DCC: variants seen among roughly 807,000 people sequenced by gnomAD.
DCC encodes netrin receptor DCC.
DCC carries 58 observed loss-of-function variants against 172.5 expected under a neutral mutation model. That is an observed-to-expected ratio of 0.34 (90% CI 0.27 to 0.42). The LOEUF is 0.42. Ranked by LOEUF, DCC falls within the 10% of genes least tolerant of loss-of-function variation. The pLI is 1.00. For missense variants in DCC, 1,740 were observed against 1,791.0 expected (o/e 0.97, Z 0.51); for synonymous variants, 709 against 644.5 (o/e 1.10, Z -1.52).
At position 53,402,844 on chromosome 18, in the gene DCC, C is replaced by A. The variant is rs559158520; in HGVS notation, c.2886C>A (p.Ala962=). 8.1e-6 allele frequency: 13 copies of A among 1,614,080 alleles called. No individual in the cohort carries two copies. The South Asian group carries it at 8.8e-5, about 11-fold the overall frequency. ...TVITREGKPR[A]VIVSWQPPLE... ...TTACTAGGGAAGGGAAGCCTCGTGC[C>A]GTCATTGTGAGTTGGCAGCCTCCCT... The change falls in exon 19 of 29, where the codon GCC becomes GCA. Residue 962 remains alanine, a synonymous_variant. Coordinates refer to ENST00000442544, the MANE Select transcript of DCC (RefSeq NM_005215.4).
At chr18:52,625,976 T>C (rs528145862) in intron 1 of DCC, among the ~76,000 whole-genome samples, 2 of 152,292 alleles carry the variant, frequency 1.3e-5, no homozygotes, top group Admixed American at 1.3e-4. Context: ...CCTAACTCAC[T>C]CTTCAATGTT....
At chr18:53,305,367 A>G (rs941181732) in intron 12 of DCC, among the ~76,000 whole-genome samples, 13 of 152,232 alleles carry the variant, frequency 8.5e-5, no homozygotes, top group Non-Finnish European at 1.8e-4. Context: ...AATGCATTCA[A>G]TCAATCAAAG....
At chr18:52,883,330 A>T (rs1404229955) in intron 2 of DCC, among the ~76,000 whole-genome samples, 19 of 48,124 alleles carry the variant, frequency 3.9e-4, no homozygotes, top group African/African-American at 1.4e-3. Flanking sequence ...TTTATTTTTT[A>T]TTTATTTATT....
chr18:52,572,918 A>T (rs568984199), intron 1 of DCC, among the ~76,000 whole-genome samples: 1 of 152,332 alleles, frequency 6.6e-6, no homozygotes, highest in South Asian at 2.1e-4. Flanking sequence ...GCTTTTCATT[A>T]ATAATAAATC....
At chr18:52,718,564 G>A (rs1456393473) in intron 1 of DCC, among the ~76,000 whole-genome samples, 6 of 152,122 alleles carry the variant, frequency 3.9e-5, no homozygotes, top group Admixed American at 3.9e-4. Context: ...TACATGGCAC[G>A]TAGGTTGTTT....
intron 5 of DCC, among the ~76,000 whole-genome samples, chr18:53,019,667 G>A (rs1483486984): frequency 3.9e-5 from 6 of 152,092 alleles, no homozygotes. Flanking sequence ...CAGTTTATCT[G>A]ATTTTTTAGA....
At chr18:53,079,642 A>C (rs1310850638) in intron 7 of DCC, among the ~76,000 whole-genome samples, 2 of 152,152 alleles carry the variant, frequency 1.3e-5, no homozygotes, top group Non-Finnish European at 2.9e-5. Flanking sequence ...AGTGCAAGAT[A>C]TAGGGGTAAG....
intron 1 of DCC, among the ~76,000 whole-genome samples, chr18:52,643,871 A>G (rs559104182): frequency 2.6e-5 from 4 of 152,334 alleles, no homozygotes; most frequent in South Asian, 2.1e-4. Flanking sequence ...CCTGACAAGT[A>G]TAGAGTACCT....
At chr18:52,963,221 A>G (rs1009861101) in intron 5 of DCC, among the ~76,000 whole-genome samples, 2 of 151,940 alleles carry the variant, frequency 1.3e-5, no homozygotes, top group East Asian at 3.8e-4. Flanking sequence ...AGATTTTTTT[A>G]AAAATTTTTA....
rs148241016 is a variant in DCC at position 52,804,711 on chromosome 18, G to A, written c.412+52337G>A. On this transcript the variant is annotated intron_variant, in intron 2 of 28. Transcript: ENST00000442544. ...CAGGAGAATTCTCTCAGCCTCCTGAGTTGCTGGGATTACAGGCATGTGCCA... is the reference window on the plus strand; with the variant it reads ...CAGGAGAATTCTCTCAGCCTCCTGAATTGCTGGGATTACAGGCATGTGCCA... 1.4e-3 allele frequency among the ~76,000 whole-genome samples: 210 copies of A among 152,200 alleles called. No individual in the cohort carries two copies. The East Asian group carries it at 0.024, about 17-fold the overall frequency.
intron 1 of DCC, among the ~76,000 whole-genome samples, chr18:52,448,235 C>CT (rs1447946492): frequency 6.6e-6 from 1 of 152,150 alleles, no homozygotes; most frequent in African/African-American, 2.4e-5. Context: ...TTATGAGAAT[C>CT]TAATTCCTGA....
At chr18:53,365,446 GAAA>G (rs34872630) in intron 15 of DCC, among the ~76,000 whole-genome samples, 1 of 132,582 alleles carries the variant, frequency 7.5e-6, no homozygotes. Context: ...TCATCCCACT[GAAA>G]AAAAAAAAAA....
chr18:53,086,429 TTTC>T lies in DCC; in HGVS notation c.1261+20282_1261+20284del, dbSNP rs562233542. On this transcript the variant is annotated intron_variant, in intron 7 of 28. Transcript: ENST00000442544. ...TTCTTCTTCTTCTTCTTCTTCTTCC[TTTC>T]TTCTTCTTCTTCTTCTTCCTTTCTT... Among the ~76,000 whole-genome samples, 255 of 40,314 alleles carry T rather than the reference TTTC, an allele frequency of 6.3e-3. 80 individuals carry two copies. The highest frequency in any genetic ancestry group is 0.025 in the Middle Eastern group (2 of 80). The allele number at this position is 40,314 out of a possible 152,430, so 26.4% of individuals were successfully genotyped here.
chr18:52,968,720 T>C (rs560965625), intron 5 of DCC, among the ~76,000 whole-genome samples: 38 of 152,338 alleles, frequency 2.5e-4, no homozygotes, highest in African/African-American at 8.9e-4. Context: ...TTAGTTCTCA[T>C]GTAATTTAGC....
chr18:52,359,771 G>A lies in DCC; in HGVS notation c.91+18893G>A, dbSNP rs926988857. On this transcript the variant is annotated intron_variant, in intron 1 of 28. Transcript: ENST00000442544. ...GTTTGATTTTAAAACACTGTAATGG[G>A]GTTTCTGTCACAGGCAATACTCAGT... Among the ~76,000 whole-genome samples, 13 of 152,038 alleles carry A rather than the reference G, an allele frequency of 8.6e-5. 1 individual carries two copies. The South Asian group carries it at 1.0e-3, about 12-fold the overall frequency.
chr18:52,632,133 G>C (rs543296470), intron 1 of DCC, among the ~76,000 whole-genome samples: 1 of 152,188 alleles, frequency 6.6e-6, no homozygotes, highest in South Asian at 2.1e-4. Context: ...ATCAATCCTT[G>C]TTCTAGAGCT....
intron 14 of DCC, among the ~76,000 whole-genome samples, chr18:53,333,158 G>A (rs2057550827): frequency 6.6e-6 from 1 of 152,144 alleles, no homozygotes; most frequent in South Asian, 2.1e-4. Context: ...GAATAGAAGT[G>A]GTTGTCCACT....
intron 26 of DCC, 98 bp from the exon 27 acceptor site, chr18:53,499,200 T>A (rs2046064794): frequency 8.3e-7 from 1 of 1,212,104 alleles, no homozygotes; most frequent in African/African-American, 1.5e-5. Flanking sequence ...CCACATCCTA[T>A]CACATCTCTC....
At chr18:52,911,741 TG>T (rs539968373) in intron 3 of DCC, among the ~76,000 whole-genome samples, 375 of 148,986 alleles carry the variant, frequency 2.5e-3, no homozygotes, top group African/African-American at 9.0e-3. Flanking sequence ...TTTTTTTTTT[TG>T]CTGCATTGTA....
Sources: allele counts gnomAD v4.1 joint callset (sites outside exome capture counted in the v4.1 genomes callset), GRCh38; gene constraint gnomAD v4.1.1; transcripts MANE v1.5; gene names NCBI Gene and HGNC (gene_info 2026-07-23, HGNC 2026-07-21).